UBE2E2: variants seen among roughly 807,000 people sequenced by gnomAD.
UBE2E2 encodes the protein ubiquitin conjugating enzyme E2 E2, also known as ubiquitin-conjugating enzyme E2 E2.
UBE2E2 carries 6 observed loss-of-function variants against 24.7 expected under a neutral mutation model. The observed-to-expected ratio is 0.24, with a 90% CI of 0.13 to 0.48. The LOEUF is 0.48. Among genes scored for constraint, UBE2E2 ranks in the 20% least tolerant of loss-of-function variants. The pLI is 0.99. For synonymous variants in UBE2E2, 104 were observed against 83.6 expected (o/e 1.24, Z -1.33); for missense variants, 169 against 245.0 (o/e 0.69, Z 2.07).
chr3:23,496,750 A>G (rs1699611016), intron 3 of UBE2E2, among the ~76,000 whole-genome samples: 1 of 152,136 alleles, frequency 6.6e-6, no homozygotes, highest in Non-Finnish European at 1.5e-5. Flanking sequence ...TGATACACAC[A>G]TGTAAAAGTT....
intron 3 of UBE2E2, among the ~76,000 whole-genome samples, chr3:23,331,042 C>A (rs923562693): frequency 6.6e-6 from 1 of 151,982 alleles, no homozygotes; most frequent in Non-Finnish European, 1.5e-5. Flanking sequence ...TTTTTCTCTT[C>A]ATTTTCTTTC....
intron 3 of UBE2E2, among the ~76,000 whole-genome samples, chr3:23,463,940 T>G (rs1026570340): frequency 6.6e-6 from 1 of 152,198 alleles, no homozygotes; most frequent in African/African-American, 2.4e-5. Context: ...ATAATGTTCT[T>G]AAATGTTCAA....
intron 3 of UBE2E2, among the ~76,000 whole-genome samples, chr3:23,223,147 G>A (rs1011820342): frequency 6.8e-6 from 1 of 146,658 alleles, no homozygotes; most frequent in East Asian, 2.0e-4. Flanking sequence ...AGCCTCCTGA[G>A]TAGCTGAGAC....
chr3:23,339,961 A>G (rs1019684631), intron 3 of UBE2E2, among the ~76,000 whole-genome samples: 2 of 152,234 alleles, frequency 1.3e-5, no homozygotes, highest in Admixed American at 6.5e-5. Context: ...AAGAGTTAGG[A>G]TGAAAAGAGG....
intron 4 of UBE2E2, among the ~76,000 whole-genome samples, chr3:23,515,152 TG>T (rs1694700403): frequency 7.0e-6 from 1 of 142,214 alleles, no homozygotes; most frequent in Non-Finnish European, 1.5e-5. Context: ...TGTGTGTGTG[TG>T]TACATATATA....
intron 3 of UBE2E2, among the ~76,000 whole-genome samples, chr3:23,414,116 A>G (rs1384641356): frequency 1.3e-5 from 2 of 152,318 alleles, no homozygotes; most frequent in Admixed American, 6.5e-5. Flanking sequence ...ATGTACAACA[A>G]TTCAGCATGA....
rs551891023 is a variant in UBE2E2 at position 23,264,378 on chromosome 3, A to T, written c.227+47066A>T. Among the ~76,000 whole-genome samples the T allele has an allele frequency of 7.9e-5, 12 of 152,280 alleles. No individual in the cohort carries two copies. In the East Asian group the frequency reaches 2.3e-3, roughly 29 times the overall value. On this transcript the variant is annotated intron_variant, in intron 3 of 5. Coordinates refer to ENST00000396703, the MANE Select transcript of UBE2E2 (RefSeq NM_152653.4). ...AAACAAAAAAAGGAAAAGGAAAAAA[A>T]AAAAAGGTGGGGAGGACAAAAGAGT...
intron 5 of UBE2E2, among the ~76,000 whole-genome samples, chr3:23,578,424 C>T (rs1311312295): frequency 1.3e-5 from 2 of 152,210 alleles, no homozygotes; most frequent in African/African-American, 2.4e-5. Flanking sequence ...AGTCCCATTA[C>T]TGGGTGTATA....
At chr3:23,371,603 G>T (rs1016885428) in intron 3 of UBE2E2, among the ~76,000 whole-genome samples, 5 of 152,154 alleles carry the variant, frequency 3.3e-5, no homozygotes, top group African/African-American at 1.2e-4. Context: ...GAAATATATT[G>T]GGGATAGGTG....
At chr3:23,350,431 C>G (rs1695708035) in intron 3 of UBE2E2, among the ~76,000 whole-genome samples, 3 of 152,164 alleles carry the variant, frequency 2.0e-5, no homozygotes, top group African/African-American at 7.2e-5. Flanking sequence ...GACAATCAAA[C>G]TACTCCGAGC....
intron 5 of UBE2E2, among the ~76,000 whole-genome samples, chr3:23,564,698 G>T (rs900211653): frequency 2.0e-5 from 3 of 152,108 alleles, no homozygotes; most frequent in African/African-American, 7.2e-5. Flanking sequence ...GCACATCCAC[G>T]GGGTAGAAAG....
intron 3 of UBE2E2, among the ~76,000 whole-genome samples, chr3:23,442,844 G>C (rs1041530761): frequency 1.2e-4 from 19 of 152,044 alleles, no homozygotes; most frequent in African/African-American, 4.3e-4. Flanking sequence ...CCCCTCAGAG[G>C]AATGTGGTTT....
chr3:23,216,522 C>T (rs1696479714), intron 2 of UBE2E2, among the ~76,000 whole-genome samples: 2 of 151,982 alleles, frequency 1.3e-5, no homozygotes, highest in South Asian at 4.1e-4. Flanking sequence ...TTTAACAAAG[C>T]CTACATTTAA....
chr3:23,555,151 A>G (rs1695747910), intron 5 of UBE2E2, among the ~76,000 whole-genome samples: 1 of 152,030 alleles, frequency 6.6e-6, no homozygotes, highest in Non-Finnish European at 1.5e-5. Flanking sequence ...TCCCGACCTC[A>G]TGTGATCCAC....
chr3:23,282,734 C>T (rs1330891833), intron 3 of UBE2E2, among the ~76,000 whole-genome samples: 2 of 151,414 alleles, frequency 1.3e-5, no homozygotes, highest in African/African-American at 2.4e-5. Context: ...TTGTCAAAAC[C>T]GGAGAATATG....
At chr3:23,492,739 G>A (rs1331069927) in intron 3 of UBE2E2, among the ~76,000 whole-genome samples, 1 of 152,004 alleles carries the variant, frequency 6.6e-6, no homozygotes, top group Non-Finnish European at 1.5e-5. Flanking sequence ...ATATGTTCAA[G>A]CAAGGTTCTA....
intron 3 of UBE2E2, among the ~76,000 whole-genome samples, chr3:23,436,036 G>T (rs1253791932): frequency 1.3e-5 from 2 of 152,064 alleles, no homozygotes; most frequent in Non-Finnish European, 2.9e-5. Context: ...CTGCTATGAG[G>T]ATCTAATGCC....
At chr3:23,503,276 G>A (rs1575671298) in intron 4 of UBE2E2, among the ~76,000 whole-genome samples, 1 of 151,466 alleles carries the variant, frequency 6.6e-6, no homozygotes, top group Non-Finnish European at 1.5e-5. Flanking sequence ...TGCAACCTCC[G>A]CCCCCTGGAT....
At chr3:23,299,866 C>T (rs993454403) in intron 3 of UBE2E2, among the ~76,000 whole-genome samples, 1 of 152,170 alleles carries the variant, frequency 6.6e-6, no homozygotes, top group South Asian at 2.1e-4. Context: ...GTTGATCTGT[C>T]TAATGTTGAC....
Sources: allele counts gnomAD v4.1 joint callset (sites outside exome capture counted in the v4.1 genomes callset), GRCh38; gene constraint gnomAD v4.1.1; transcripts MANE v1.5; gene names NCBI Gene and HGNC (gene_info 2026-07-23, HGNC 2026-07-21).